PIWIL2: variants seen among roughly 807,000 people sequenced by gnomAD.
PIWIL2 encodes the protein piwi like RNA-mediated gene silencing 2.
A neutral mutation model predicts 116.5 loss-of-function variants in PIWIL2; 81 were observed. The ratio of observed to expected loss-of-function variants is 0.70; its 90% confidence interval spans 0.58 to 0.84. The LOEUF is 0.84. PIWIL2 is among the 40% of genes least tolerant of loss of function. PIWIL2 has a pLI of 0.00. For missense variants in PIWIL2, 1,272 were observed against 1,212.3 expected (o/e 1.05, Z -0.73); for synonymous variants, 489 against 429.5 (o/e 1.14, Z -1.71).
intron 17 of PIWIL2, 88 bp downstream of exon 17, chr8:22,314,517 A>G (rs995337914): frequency 2.7e-5 from 16 of 588,562 alleles, no homozygotes; most frequent in Non-Finnish European, 4.3e-5. Flanking sequence ...CACAAAGACT[A>G]AAGTAGCTGT....
chr8:22,277,149 G>C (rs930304778), intron 1 of PIWIL2, among the ~76,000 whole-genome samples: 1 of 152,034 alleles, frequency 6.6e-6, no homozygotes, highest in Admixed American at 6.6e-5. Context: ...AGACTCCTGA[G>C]GAGGGGGGAT....
chr8:22,333,990 G>C (rs13273616), intron 20 of PIWIL2, among the ~76,000 whole-genome samples: 77,966 of 149,066 alleles, frequency 0.52, 23,781 homozygotes, highest in East Asian at 0.82. Flanking sequence ...TTTTTTTGGA[G>C]ACAGTTTTTT....
intron 19 of PIWIL2, among the ~76,000 whole-genome samples, chr8:22,316,914 G>T (rs991843934): frequency 2.6e-5 from 4 of 151,314 alleles, no homozygotes; most frequent in Non-Finnish European, 5.9e-5. Flanking sequence ...TCAGCCTCCC[G>T]AGTAGCTGGG....
At chr8:22,294,103 C>T (rs1024849014) in intron 10 of PIWIL2, among the ~76,000 whole-genome samples, 3 of 151,984 alleles carry the variant, frequency 2.0e-5, no homozygotes, top group South Asian at 2.1e-4. Context: ...TTTGGGAGGC[C>T]GAGGCGGGAG....
chr8:22,333,860 A>T (rs542990643), intron 20 of PIWIL2, among the ~76,000 whole-genome samples: 1 of 152,208 alleles, frequency 6.6e-6, no homozygotes, highest in South Asian at 2.1e-4. Context: ...GGTGAATTGT[A>T]GCATATGAAT....
intron 13 of PIWIL2, among the ~76,000 whole-genome samples, chr8:22,307,473 A>ATTTTTTTTTTTTTTT (rs56755716): frequency 1.8e-5 from 2 of 111,238 alleles, no homozygotes; most frequent in Non-Finnish European, 1.7e-5. Context: ...TTTATTATTC[A>ATTTTTTTTTTTTTTT]TTTTTTTTTT....
Position 22,294,661 on chromosome 8 carries a change from A to AG in PIWIL2, c.1181+4315_1181+4316insG, listed in dbSNP as rs1479579485. ...CTCTGTCTCAAAAAAAAAAAAAAAA[A>AG]AAAAAAAGAAAAACATCAGTTGGCA... On this transcript the variant is annotated intron_variant, in intron 10 of 22. Coordinates refer to ENST00000356766, the MANE Select transcript of PIWIL2 (RefSeq NM_018068.5). Among the ~76,000 whole-genome samples, 95 of 150,244 alleles carry AG rather than the reference A, an allele frequency of 6.3e-4. 1 individual carries two copies. Among genetic ancestry groups the AG allele is most frequent in the African/African-American group, 2.1e-3 (88 of 41,010 alleles).
chr8:22,316,409 C>G, intron 19 of PIWIL2, 76 bp downstream of exon 19: 1 of 876,904 alleles, frequency 1.1e-6, no homozygotes, highest in Admixed American at 1.9e-5. Context: ...TCCAGCAAAT[C>G]TTTTTAGCAT....
chr8:22,315,198 G>A (rs1025378285), intron 18 of PIWIL2, 53 bp downstream of exon 18: 1 of 986,748 alleles, frequency 1.0e-6, no homozygotes, highest in African/African-American at 1.6e-5. Flanking sequence ...CCTCCAAGCT[G>A]TTTTCCTGTT....
At chr8:22,316,080 T>A (rs1361832290) in intron 18 of PIWIL2, among the ~76,000 whole-genome samples, 165 bp from the exon 19 acceptor site, 1 of 152,210 alleles carries the variant, frequency 6.6e-6, no homozygotes, top group Non-Finnish European at 1.5e-5. Context: ...GCTTATTGTG[T>A]TTAAAAAATG....
rs781462851 is a variant in PIWIL2, at chr8:22,314,380, A to T, written c.2042A>T (p.Tyr681Phe). The T allele has an allele frequency of 1.3e-6, 2 of 1,588,224 alleles. No homozygotes were observed. The highest frequency in any genetic ancestry group is 1.7e-6 in the Non-Finnish European group (2 of 1,165,756). Residue 681 changes from tyrosine to phenylalanine, a missense_variant, in exon 17 of 23, where the codon TAT (tyrosine) becomes TTT (phenylalanine). Tyr to Phe is a conservative substitution (Grantham distance 22, BLOSUM62 3). Coordinates refer to ENST00000356766, the MANE Select transcript of PIWIL2 (RefSeq NM_018068.5). ...CIIMGPRDDL[Y>F]GAIKKLCCVQ... is the part of the protein sequence containing the mutation. The stretch of plus-strand genomic sequence containing the variant: ...ATCATGGGCCCACGTGATGATCTCT[A>T]TGGGGCCATCAAGAAGCTGTGCTGT...
At chr8:22,320,523 C>T (rs1294811742) in intron 20 of PIWIL2, among the ~76,000 whole-genome samples, 10 of 151,852 alleles carry the variant, frequency 6.6e-5, no homozygotes, top group South Asian at 4.2e-4. Context: ...GTGATCCGCC[C>T]GCCTCAGCCT....
At chr8:22,316,829 C>T (rs1172257333) in intron 19 of PIWIL2, among the ~76,000 whole-genome samples, 1 of 151,312 alleles carries the variant, frequency 6.6e-6, no homozygotes, top group Non-Finnish European at 1.5e-5. Flanking sequence ...CTGGGATTTA[C>T]TCCACTGGAG....
chr8:22,347,459 T>C (rs1292595684), intron 20 of PIWIL2, among the ~76,000 whole-genome samples: 2 of 151,424 alleles, frequency 1.3e-5, no homozygotes, highest in African/African-American at 2.4e-5. Context: ...CCTTGTGATC[T>C]GCTCGCCTCA....
At chr8:22,287,296 G>C (rs776640379) in intron 6 of PIWIL2, among the ~76,000 whole-genome samples, 23 of 152,328 alleles carry the variant, frequency 1.5e-4, no homozygotes, top group Admixed American at 6.5e-4. Flanking sequence ...TGCTAAGGCA[G>C]GTGTCCTTTG....
chr8:22,293,508 A>G (rs1830813443), intron 10 of PIWIL2, among the ~76,000 whole-genome samples: 1 of 152,078 alleles, frequency 6.6e-6, no homozygotes, highest in South Asian at 2.1e-4. Context: ...TATTTTTAGT[A>G]GAGACAGGGT....
At position 22,287,731 on chromosome 8, in the gene PIWIL2, G is replaced by A. The variant is rs75762551; in HGVS notation, c.861+86G>A. Reference sequence around the variant, plus strand: ...TTTGGTTTTGCTTTTAAGAGATTGGGTCTTGCTATGTTGCCCAGACTGGTC... The same window carrying A: ...TTTGGTTTTGCTTTTAAGAGATTGGATCTTGCTATGTTGCCCAGACTGGTC... On this transcript the variant is annotated intron_variant, in intron 7 of 22. Transcript: ENST00000356766. The A allele has an allele frequency of 1.7e-5, 14 of 843,450 alleles. No homozygotes were observed. The East Asian group carries it at 1.7e-4, about 10-fold the overall frequency. The allele number at this position is 843,450 out of a possible 1,614,324, so 52.2% of individuals were successfully genotyped here. A position where few individuals can be genotyped will look rare whatever the true frequency, so the allele number is the denominator to read the frequency against.
At chr8:22,293,555 C>T (rs1165990512) in intron 10 of PIWIL2, among the ~76,000 whole-genome samples, 1 of 152,160 alleles carries the variant, frequency 6.6e-6, no homozygotes, top group African/African-American at 2.4e-5. Flanking sequence ...GAACTCCTGC[C>T]GTCAGGTAAT....
chr8:22,352,220 C>T lies in PIWIL2; in HGVS notation c.2404-739C>T, dbSNP rs533672386. Reference sequence around the variant, plus strand: ...TTGGCCTCCCAACATGCTGGGATGACAGGCGTGAGCCACCGTGCCTGGCCC... The same window carrying T: ...TTGGCCTCCCAACATGCTGGGATGATAGGCGTGAGCCACCGTGCCTGGCCC... On this transcript the variant is annotated intron_variant, in intron 20 of 22. Coordinates refer to ENST00000356766, the MANE Select transcript of PIWIL2 (RefSeq NM_018068.5). Among the ~76,000 whole-genome samples the T allele has an allele frequency of 1.0e-4, 16 of 152,390 alleles. No individual in the cohort carries two copies. In the South Asian group the frequency reaches 3.1e-3, roughly 30 times the overall value.
Sources: allele counts gnomAD v4.1 joint callset (sites outside exome capture counted in the v4.1 genomes callset), GRCh38; gene constraint gnomAD v4.1.1; transcripts MANE v1.5; gene names NCBI Gene and HGNC (gene_info 2026-07-23, HGNC 2026-07-21).